Variants in NMD3 observed in about 807,000 individuals in gnomAD.
The protein encoded by NMD3 is NMD3 ribosome export adaptor, also known as 60S ribosomal export protein NMD3.
Under a neutral mutation model 73.1 loss-of-function variants are expected in NMD3, and 47 were observed. The ratio of observed to expected loss-of-function variants is 0.64; its 90% CI spans 0.51 to 0.82. The LOEUF (loss-of-function observed/expected upper bound fraction) is 0.82. Ranked by LOEUF, NMD3 falls within the 40% of genes least tolerant of loss-of-function variation. The probability of loss-of-function intolerance (pLI) is 0.00; values close to 1 mark genes in which losing one functional copy is unlikely to be tolerated. For synonymous variants in NMD3, 210 were observed against 194.5 expected (o/e 1.08, Z -0.66); for missense variants, 554 against 612.5 (o/e 0.90, Z 1.01).
intron 2 of NMD3, among the ~76,000 whole-genome samples, chr3:161,222,425 A>C (rs1305657205): frequency 2.0e-5 from 3 of 149,390 alleles, no homozygotes; most frequent in African/African-American, 7.4e-5. Flanking sequence ...GGCTCACTGC[A>C]ACCTCCACCT....
At chr3:161,239,175 G>A (rs976536020) in intron 9 of NMD3, among the ~76,000 whole-genome samples, 1 of 152,094 alleles carries the variant, frequency 6.6e-6, no homozygotes, top group African/African-American at 2.4e-5. Flanking sequence ...ATATTAGTGA[G>A]CCACTTTGTG....
At position 161,252,231 on chromosome 3, in the gene NMD3, G is replaced by A. The variant is rs1424906012; in HGVS notation, c.*1321G>A. On this transcript the variant is annotated 3_prime_UTR_variant, in exon 16 of 16. Transcript: ENST00000351193. ...CAAAGCAAGTTCTCATTGGTGGTCT[G>A]TGTTTACATCTTCCGTGTCAAGATA... 6.6e-6 allele frequency: 1 copy of A among 152,072 alleles called. No individual in the cohort carries two copies. Among genetic ancestry groups the A allele is most frequent in the Non-Finnish European group, 1.5e-5 (1 of 68,026 alleles). 9.4% of individuals were successfully genotyped at this position (152,072 alleles called of 1,614,324 possible). A position where few individuals can be genotyped will look rare whatever the true frequency, so the allele number is the denominator to read the frequency against.
In NMD3 at chr3:161,243,808, TCTGA is replaced by T. The variant is rs770078433; in HGVS notation, c.1017+1159_1017+1162del. On this transcript the variant is annotated intron_variant, in intron 11 of 15. Transcript: ENST00000351193. ...TTATTATATCAAGAGACAAGTAATG[TCTGA>T]CTGTTTCACTTGTTAACATAGTGAT... Among the ~76,000 whole-genome samples, 4 of 151,358 alleles carry T rather than the reference TCTGA, an allele frequency of 2.6e-5. No homozygotes were observed. In the East Asian group the frequency reaches 7.8e-4, roughly 29 times the overall value.
intron 4 of NMD3, 71 bp downstream of exon 4, chr3:161,227,414 T>TG: frequency 9.7e-6 from 9 of 924,566 alleles, no homozygotes; most frequent in Non-Finnish European, 1.5e-5. Context: ...AGAAAATTCT[T>TG]GTGAGTAGGT....
chr3:161,227,653 T>A (rs547545050), intron 4 of NMD3, among the ~76,000 whole-genome samples: 1 of 152,064 alleles, frequency 6.6e-6, no homozygotes, highest in Non-Finnish European at 1.5e-5. Flanking sequence ...TTCACTATGT[T>A]GGCCAGATTG....
intron 13 of NMD3, among the ~76,000 whole-genome samples, chr3:161,249,166 TAAAAG>T (rs753021379): frequency 4.7e-4 from 71 of 152,326 alleles, no homozygotes; most frequent in Non-Finnish European, 9.1e-4. Flanking sequence ...AAGTTTGAGT[TAAAAG>T]AAAACTACAG....
chr3:161,234,410 G>A (rs569613213), intron 5 of NMD3, among the ~76,000 whole-genome samples: 3 of 149,626 alleles, frequency 2.0e-5, no homozygotes, highest in Non-Finnish European at 4.4e-5. Context: ...CTGGGCAACA[G>A]GCAGAGTGAG....
At chr3:161,241,211 A>G in intron 10 of NMD3, 48 bp downstream of exon 10, 1 of 1,052,186 alleles carries the variant, frequency 9.5e-7, no homozygotes, top group South Asian at 1.3e-5. Context: ...TTGTATGACA[A>G]ACAATAATAA....
intron 5 of NMD3, 27 bp from the exon 6 acceptor site, chr3:161,234,700 A>G: frequency 6.4e-7 from 1 of 1,573,628 alleles, no homozygotes; most frequent in Non-Finnish European, 8.6e-7. Flanking sequence ...AAACCAAAAG[A>G]ATGAAGGAGT....
intron 3 of NMD3, 127 bp from the exon 4 acceptor site, chr3:161,227,120 G>A (rs77417816): frequency 0.01 from 5,384 of 529,306 alleles, 242 homozygotes; most frequent in African/African-American, 0.095. Flanking sequence ...TTTGAGTTAA[G>A]TGCTTCATAT....
intron 3 of NMD3, 30 bp downstream of exon 3, chr3:161,225,094 A>G: frequency 6.3e-7 from 1 of 1,596,550 alleles, no homozygotes; most frequent in East Asian, 2.3e-5. Flanking sequence ...TGCTCTTTTT[A>G]AAGTTGGAAT....
chr3:161,247,345 T>C lies in NMD3; in HGVS notation c.1203+15T>C. On this transcript the variant is annotated intron_variant, in intron 13 of 15. Transcript: ENST00000351193. ...TTCCAGATGTGGTAAGGCTTTAGAT[T>C]TTTCCCTTTTTTCCTGTGTTAAAGA... The C allele has an allele frequency of 6.5e-7, 1 of 1,531,172 alleles. No homozygotes were observed. Among genetic ancestry groups the C allele is most frequent in the Non-Finnish European group, 9.0e-7 (1 of 1,105,644 alleles). The allele number at this position is 1,531,172 out of a possible 1,614,324, so 94.8% of individuals were successfully genotyped here. A position where few individuals can be genotyped will look rare whatever the true frequency, so the allele number is the denominator to read the frequency against.
chr3:161,240,753 T>TG (rs1736941921), intron 9 of NMD3, among the ~76,000 whole-genome samples: 1 of 151,836 alleles, frequency 6.6e-6, no homozygotes, highest in Admixed American at 6.6e-5. Flanking sequence ...AGGTTAGACT[T>TG]GAACTCCTGG....
chr3:161,250,953 G>T lies in NMD3; in HGVS notation c.*43G>T. On this transcript the variant is annotated 3_prime_UTR_variant, in exon 16 of 16. Transcript: ENST00000351193. ...TTTCCATACATGGGCTTAAGAAGTT[G>T]GACAGAGTTACCTTAAGTGTCTCTA... 6.4e-7 allele frequency: 1 copy of T among 1,561,512 alleles called. No individual in the cohort carries two copies. The highest frequency in any genetic ancestry group is 1.1e-5 in the South Asian group (1 of 87,206).
chr3:161,226,638 A>G lies in NMD3; in HGVS notation c.180-609A>G, dbSNP rs185855802. Among the ~76,000 whole-genome samples the G allele has an allele frequency of 1.4e-4, 21 of 152,332 alleles. No homozygotes were observed. In the East Asian group the frequency reaches 3.9e-3, roughly 28 times the overall value. On this transcript the variant is annotated intron_variant, in intron 3 of 15. Transcript: ENST00000351193. ...TTTAGCAAGCATTTATTGAACACCT[A>G]CTATAAGATGTATGTGGCATAGTGC...
At chr3:161,229,636 G>A (rs1560065875) in intron 4 of NMD3, among the ~76,000 whole-genome samples, 1 of 152,158 alleles carries the variant, frequency 6.6e-6, no homozygotes, top group East Asian at 1.9e-4. Context: ...AGTATTTAAG[G>A]TCATGAATTG....
intron 8 of NMD3, 50 bp downstream of exon 8, chr3:161,238,241 T>C: frequency 1.8e-6 from 2 of 1,100,522 alleles, no homozygotes; most frequent in Non-Finnish European, 2.7e-6. Context: ...TGGGAATGGA[T>C]GCGGATCACA....
chr3:161,234,831 G>A lies in NMD3; in HGVS notation c.462G>A (p.Lys154=). ...CHRVEAKDFW[K]AVIQVRQKTL... is the part of the protein sequence containing the mutation. The stretch of plus-strand genomic sequence containing the variant: ...GAGTAGAAGCTAAGGATTTCTGGAA[G>A]GCTGTGATTCAAGTGAGGCAAAAGG... Residue 154 remains lysine (K), a synonymous_variant, in exon 6 of 16, where the codon AAG becomes AAA. Transcript: ENST00000351193. 6.2e-7 allele frequency: 1 copy of A among 1,613,390 alleles called. No individual in the cohort carries two copies. The highest frequency in any genetic ancestry group is 1.7e-4 in the Middle Eastern group (1 of 6,054).
At chr3:161,238,939 T>A in intron 9 of NMD3, 113 bp downstream of exon 9, 1 of 546,414 alleles carries the variant, frequency 1.8e-6, no homozygotes, top group Non-Finnish European at 3.3e-6. Context: ...AAATTTAGAA[T>A]AAGTTCCTTA....
Sources: allele counts gnomAD v4.1 joint callset (sites outside exome capture counted in the v4.1 genomes callset), GRCh38; gene constraint gnomAD v4.1.1; transcripts MANE v1.5; gene names NCBI Gene and HGNC (gene_info 2026-07-23, HGNC 2026-07-21).